SRSF12: variants seen among roughly 807,000 people sequenced by gnomAD.
SRSF12 encodes the protein serine/arginine-rich splicing factor 12.
In SRSF12, 21 loss-of-function variants were observed where a neutral mutation model predicts 34.1. That is an observed-to-expected ratio of 0.62 (90% CI 0.44 to 0.89). The LOEUF (loss-of-function observed/expected upper bound fraction) is 0.89, where lower values mean the gene tolerates loss of function less well. Ranked by LOEUF, SRSF12 falls within the 40% of genes least tolerant of loss-of-function variation. The pLI is 0.00. For missense variants in SRSF12, 278 were observed against 327.8 expected (o/e 0.85, Z 1.17); for synonymous variants, 111 against 110.8 (o/e 1.00, Z -0.01).
intron 1 of SRSF12, among the ~76,000 whole-genome samples, chr6:89,112,681 G>C (rs1769115882): frequency 6.6e-6 from 1 of 151,642 alleles, no homozygotes; most frequent in Admixed American, 6.6e-5. Flanking sequence ...CAAAGCACTG[G>C]GATTACAAGC....
intron 1 of SRSF12, among the ~76,000 whole-genome samples, chr6:89,110,626 G>C (rs2127995140): frequency 6.6e-6 from 1 of 152,134 alleles, no homozygotes; most frequent in South Asian, 2.1e-4. Context: ...GTGTAGAGAG[G>C]TGGAGTTCTC....
intron 1 of SRSF12, among the ~76,000 whole-genome samples, chr6:89,107,636 C>T (rs1401756378): frequency 1.3e-5 from 2 of 151,884 alleles, no homozygotes; most frequent in African/African-American, 2.4e-5. Flanking sequence ...GAGGCTGAGG[C>T]GGGAGAATCA....
intron 2 of SRSF12, among the ~76,000 whole-genome samples, chr6:89,106,314 T>C (rs2127993050): frequency 6.6e-6 from 1 of 152,242 alleles, no homozygotes; most frequent in East Asian, 1.9e-4. Flanking sequence ...GGTTTCACCA[T>C]GTTGGTCAGG....
chr6:89,104,323 G>A (rs905361279), intron 4 of SRSF12, among the ~76,000 whole-genome samples: 1 of 147,422 alleles, frequency 6.8e-6, no homozygotes, highest in African/African-American at 2.5e-5. Context: ...TGCAACCTCC[G>A]CCTCCCAGGT....
chr6:89,112,580 C>CT (rs200726634), intron 1 of SRSF12, among the ~76,000 whole-genome samples: 9,550 of 144,258 alleles, frequency 0.066, 889 homozygotes, highest in African/African-American at 0.21. Flanking sequence ...GCCCGGCTAA[C>CT]TTTTTTTTTT....
rs773964959 is a variant in SRSF12 at position 89,105,126 on chromosome 6, G to A, written c.409C>T (p.Leu137Phe). ...WGRNRRRSDS[L>F]KESRHRRFSY... ...CAGTCCTCTTATACTCACTCTTTAAGGCTGTCTGACCGCCTCCTATTTCTT... is the reference window on the plus strand; with the variant it reads ...CAGTCCTCTTATACTCACTCTTTAAAGCTGTCTGACCGCCTCCTATTTCTT... The change falls in exon 4 of 5, where the codon CTT becomes TTT. Residue 137 changes from leucine (L) to phenylalanine (F), a missense_variant. Transcript: ENST00000452027. 3.1e-6 allele frequency: 5 copies of A among 1,611,506 alleles called. No individual in the cohort carries two copies. In the African/African-American group the frequency reaches 6.7e-5, roughly 22 times the overall value.
At chr6:89,113,604 A>T (rs1769157397) in intron 1 of SRSF12, among the ~76,000 whole-genome samples, 1 of 152,090 alleles carries the variant, frequency 6.6e-6, no homozygotes, top group Non-Finnish European at 1.5e-5. Context: ...CCACCGTGCC[A>T]GGCCCCAAAG....
intron 4 of SRSF12, among the ~76,000 whole-genome samples, chr6:89,103,632 G>A (rs1247125780): frequency 6.6e-6 from 1 of 151,166 alleles, no homozygotes; most frequent in African/African-American, 2.4e-5. Flanking sequence ...CGCCTGGCCT[G>A]AATTTTTAGT....
At position 89,098,674 on chromosome 6, in the gene SRSF12, C is replaced by CAGAATTGTAAATCT; in HGVS notation, c.689_690insAGATTTACAATTCT (p.Tyr231AspfsTer52). Reference sequence around the variant, plus strand: ...GTACTTTAGTTTCAGAATTGGTATACCCTTTGGGAGATTTACACGGGGATC... The same window carrying CAGAATTGTAAATCT: ...GTACTTTAGTTTCAGAATTGGTATACAGAATTGTAAATCTCCTTTGGGAGATTTACACGGGGATC... On this transcript the variant is annotated frameshift_variant, in exon 5 of 5. Coordinates refer to ENST00000452027, the MANE Select transcript of SRSF12 (RefSeq NM_080743.5). LOFTEE classifies it high-confidence loss of function. The CAGAATTGTAAATCT allele has an allele frequency of 6.2e-7, 1 of 1,613,958 alleles. No individual in the cohort carries two copies. The highest frequency in any genetic ancestry group is 8.5e-7 in the Non-Finnish European group (1 of 1,179,890).
Position 89,096,463 on chromosome 6 carries a change from C to CA in SRSF12, c.*2114dup, listed in dbSNP as rs1409702721. ...CAGTGCCAAGCATGTACTAAATGCT[C>CA]AAAAGAGTTTGAGCTATTATCATTC... On this transcript the variant is annotated 3_prime_UTR_variant, in exon 5 of 5. Coordinates refer to ENST00000452027, the MANE Select transcript of SRSF12 (RefSeq NM_080743.5). 7.9e-5 allele frequency: 12 copies of CA among 152,290 alleles called. No individual in the cohort carries two copies. Among genetic ancestry groups the CA allele is most frequent in the African/African-American group, 2.9e-4 (12 of 41,570 alleles). 9.4% of individuals were successfully genotyped at this position (152,290 alleles called of 1,614,324 possible). A position where few individuals can be genotyped will look rare whatever the true frequency, so the allele number is the denominator to read the frequency against.
chr6:89,110,086 G>A (rs1768974645), intron 1 of SRSF12, among the ~76,000 whole-genome samples: 1 of 145,706 alleles, frequency 6.9e-6, no homozygotes, highest in African/African-American at 2.4e-5. Context: ...GCAAGACTCT[G>A]TCTCAAAAAA....
intron 4 of SRSF12, among the ~76,000 whole-genome samples, chr6:89,102,901 A>C (rs1768602169): frequency 1.3e-5 from 2 of 152,112 alleles, no homozygotes; most frequent in Admixed American, 6.6e-5. Context: ...CAGTAGCTGG[A>C]ACAGGTGTGT....
chr6:89,099,147 A>G (rs1437339931), intron 4 of SRSF12, among the ~76,000 whole-genome samples, 200 bp from the exon 5 acceptor site: 5 of 152,074 alleles, frequency 3.3e-5, no homozygotes, highest in Non-Finnish European at 7.3e-5. Context: ...ACTAGAATAT[A>G]TGGCCAAAAA....
At chr6:89,099,474 A>ATATGTGTGTG in intron 4 of SRSF12, among the ~76,000 whole-genome samples, 3 of 145,996 alleles carry the variant, frequency 2.1e-5, no homozygotes, top group Non-Finnish European at 4.5e-5. Flanking sequence ...GTGTGTGTAT[A>ATATGTGTGTG]TATATATGTG....
intron 4 of SRSF12, among the ~76,000 whole-genome samples, chr6:89,103,253 C>T (rs1351409159): frequency 6.6e-6 from 1 of 151,976 alleles, no homozygotes; most frequent in Admixed American, 6.6e-5. Context: ...TGTGAATATC[C>T]ACCTTATTTA....
rs1198636952 is a variant in SRSF12 at position 89,117,972 on chromosome 6, C to G, written c.-85G>C. The G allele has an allele frequency of 7.1e-7, 1 of 1,415,824 alleles. No homozygotes were observed. Among genetic ancestry groups the G allele is most frequent in the Non-Finnish European group, 9.5e-7 (1 of 1,056,014 alleles). The allele number at this position is 1,415,824 out of a possible 1,614,324, so 87.7% of individuals were successfully genotyped here. A position where few individuals can be genotyped will look rare whatever the true frequency, so the allele number is the denominator to read the frequency against. On this transcript the variant is annotated 5_prime_UTR_variant, in exon 1 of 5. Transcript: ENST00000452027. The stretch of plus-strand genomic sequence containing the variant: ...GCTACCGCTGCTACCACCACAGGAG[C>G]TCCGCCGGCCCCCGGCGCGACCCCC...
chr6:89,105,420 C>A lies in SRSF12; in HGVS notation c.274+7G>T. 6.3e-7 allele frequency: 1 copy of A among 1,594,944 alleles called. No individual in the cohort carries two copies. The highest frequency in any genetic ancestry group is 8.5e-7 in the Non-Finnish European group (1 of 1,173,424). ...ATAAATAAAATCTAGCATTCAGTCA[C>A]ACTTACTTTTGCGATCACCTTGTGC... is the stretch of plus-strand genomic sequence containing the variant. On this transcript the variant is annotated splice_region_variant and intron_variant, in intron 3 of 4. Transcript: ENST00000452027.
Position 89,098,463 on chromosome 6 carries a change from C to G in SRSF12, c.*115G>C. ...TAGAGATTTTATTTCTTCCATATGCCCAAAGTAACTAATATCAACTCGCAT... is the reference window on the plus strand; with the variant it reads ...TAGAGATTTTATTTCTTCCATATGCGCAAAGTAACTAATATCAACTCGCAT... On this transcript the variant is annotated 3_prime_UTR_variant, in exon 5 of 5. Coordinates refer to ENST00000452027, the MANE Select transcript of SRSF12 (RefSeq NM_080743.5). The G allele has an allele frequency of 7.5e-7, 1 of 1,329,894 alleles. No homozygotes were observed. Among genetic ancestry groups the G allele is most frequent in the South Asian group, 1.7e-5 (1 of 59,154 alleles). The allele number at this position is 1,329,894 out of a possible 1,614,324, so 82.4% of individuals were successfully genotyped here. A position where few individuals can be genotyped will look rare whatever the true frequency, so the allele number is the denominator to read the frequency against.
chr6:89,113,753 C>T (rs1769164142), intron 1 of SRSF12, among the ~76,000 whole-genome samples: 1 of 152,156 alleles, frequency 6.6e-6, no homozygotes, highest in African/African-American at 2.4e-5. Context: ...AGGCGATCCT[C>T]CCACGTCAGC....
Sources: gnomAD v4.1 joint callset for allele counts (sites outside exome capture counted in the v4.1 genomes callset) on GRCh38, gnomAD v4.1.1 for gene constraint, MANE v1.5 for transcripts, NCBI Gene and HGNC (gene_info 2026-07-23, HGNC 2026-07-21) for gene names.